The following SIAH2 variants were observed in gnomAD, a reference collection of about 807,000 sequenced individuals.
SIAH2 encodes the protein siah E3 ubiquitin protein ligase 2.
In SIAH2, 4 loss-of-function variants were observed where a neutral mutation model predicts 20.4. That is an observed-to-expected ratio of 0.20 (90% CI 0.10 to 0.45). The LOEUF is 0.45. SIAH2 is among the 20% of genes least tolerant of loss of function. The pLI is 0.99. For synonymous variants in SIAH2, 171 were observed against 192.5 expected (o/e 0.89, Z 0.93); for missense variants, 259 against 440.3 (o/e 0.59, Z 3.69).
At chr3:150,755,215 T>TG (rs922702664) in intron 1 of SIAH2, among the ~76,000 whole-genome samples, 1 of 151,812 alleles carries the variant, frequency 6.6e-6, no homozygotes, top group Non-Finnish European at 1.5e-5. Context: ...AGAGGGATCC[T>TG]GGGGGTAAAA....
chr3:150,742,114 T>C lies in SIAH2; in HGVS notation c.*27A>G. On this transcript the variant is annotated 3_prime_UTR_variant, in exon 2 of 2. Transcript: ENST00000312960. The surrounding 1 kb of genome is among the most constrained non-coding windows in gnomAD (Gnocchi z 4.8). ...TTAAACATAGAGCACTATGCCCAAA[T>C]AATTTTGAAGGTTTACGAAAGTCAC... 1 of 1,581,048 alleles carries C rather than the reference T, an allele frequency of 6.3e-7. No individual in the cohort carries two copies. Among genetic ancestry groups the C allele is most frequent in the African/African-American group, 1.3e-5 (1 of 74,082 alleles).
Position 150,762,991 on chromosome 3 carries a change from G to A in SIAH2, c.-142C>T. On this transcript the variant is annotated 5_prime_UTR_variant, in exon 1 of 2. Coordinates refer to ENST00000312960, the MANE Select transcript of SIAH2 (RefSeq NM_005067.7). This position sits in a 1 kb window ranked among gnomAD's most constrained non-coding sequence, Gnocchi z 6.6. ...CAGGTCCGGGCGGCGGAGACGCTCG[G>A]CGCCCGGCAGGCGGAGGGCTGGACC... 1 of 964,726 alleles carries A rather than the reference G, an allele frequency of 1.0e-6. No homozygotes were observed. The highest frequency in any genetic ancestry group is 1.3e-6 in the Non-Finnish European group (1 of 785,534). 59.8% of individuals were successfully genotyped at this position (964,726 alleles called of 1,614,324 possible). A position where few individuals can be genotyped will look rare whatever the true frequency, so the allele number is the denominator to read the frequency against.
At chr3:150,754,372 T>G (rs1714436194) in intron 1 of SIAH2, among the ~76,000 whole-genome samples, 2 of 152,058 alleles carry the variant, frequency 1.3e-5, no homozygotes, top group Admixed American at 1.3e-4. Flanking sequence ...GCTTCACACT[T>G]CTTAAATAAC....
intron 1 of SIAH2, among the ~76,000 whole-genome samples, chr3:150,748,143 A>G (rs992583059): frequency 5.3e-5 from 8 of 152,116 alleles, no homozygotes; most frequent in Non-Finnish European, 1.2e-4. Context: ...CCGGACCCTC[A>G]TTCTTAGATC....
intron 1 of SIAH2, among the ~76,000 whole-genome samples, chr3:150,752,230 C>G (rs1168765929): frequency 6.6e-6 from 1 of 152,234 alleles, no homozygotes; most frequent in East Asian, 1.9e-4. Context: ...GACAGTTCTT[C>G]AAACAGCTCT....
chr3:150,746,838 T>C (rs1040019170), intron 1 of SIAH2, among the ~76,000 whole-genome samples: 3 of 152,222 alleles, frequency 2.0e-5, no homozygotes, highest in African/African-American at 7.2e-5. Flanking sequence ...CAATGAGCAC[T>C]ACCAGGGCAA....
chr3:150,741,395 A>G lies in SIAH2; in HGVS notation c.*746T>C, dbSNP rs1226114032. 2 of 152,598 alleles carry G rather than the reference A, an allele frequency of 1.3e-5. No homozygotes were observed. Among genetic ancestry groups the G allele is most frequent in the Non-Finnish European group, 2.9e-5 (2 of 68,048 alleles). 9.5% of individuals were successfully genotyped at this position (152,598 alleles called of 1,614,324 possible). A position where few individuals can be genotyped will look rare whatever the true frequency, so the allele number is the denominator to read the frequency against. On this transcript the variant is annotated 3_prime_UTR_variant, in exon 2 of 2. Coordinates refer to ENST00000312960, the MANE Select transcript of SIAH2 (RefSeq NM_005067.7). The stretch of plus-strand genomic sequence containing the variant: ...CTTTCCTAGGCAATCCACCCAAAAC[A>G]TAGGTGAGTGGCCAAATCTCAGGCG...
intron 1 of SIAH2, among the ~76,000 whole-genome samples, chr3:150,752,582 C>T (rs1714395253): frequency 6.6e-6 from 1 of 151,952 alleles, no homozygotes; most frequent in Non-Finnish European, 1.5e-5. Context: ...GCACTCCAGC[C>T]TGGGCGACAG....
chr3:150,747,045 G>C (rs906886803), intron 1 of SIAH2, among the ~76,000 whole-genome samples: 4 of 152,168 alleles, frequency 2.6e-5, no homozygotes, highest in Non-Finnish European at 5.9e-5. Flanking sequence ...GCCCCGCCAG[G>C]GTTCTTTCAC....
In SIAH2 at chr3:150,762,677, G is replaced by A; in HGVS notation, c.173C>T (p.Pro58Leu). 2 of 1,407,194 alleles carry A rather than the reference G, an allele frequency of 1.4e-6. No homozygotes were observed. The highest frequency in any genetic ancestry group is 1.9e-6 in the Non-Finnish European group (2 of 1,079,278). 87.2% of individuals were successfully genotyped at this position (1,407,194 alleles called of 1,614,324 possible). A position where few individuals can be genotyped will look rare whatever the true frequency, so the allele number is the denominator to read the frequency against. The change falls in exon 1 of 2, where the codon CCC becomes CTC. Residue 58 changes from proline (P) to leucine (L), a missense_variant. Pro to Leu is a moderately conservative substitution (Grantham distance 98, BLOSUM62 -3). Transcript: ENST00000312960. The surrounding 1 kb of genome is among the most constrained non-coding windows in gnomAD (Gnocchi z 6.6). ...VPAAAAVISG[P>L]GGGGGAGPVS... Reference sequence around the variant, plus strand: ...CGGGCCGGCCCCGCCGCCGCCGCCGGGGCCCGAGATCACCGCCGCCGCGGC... The same window carrying A: ...CGGGCCGGCCCCGCCGCCGCCGCCGAGGCCCGAGATCACCGCCGCCGCGGC...
Position 150,742,775 on chromosome 3 carries a change from C to T in SIAH2, c.418-77G>A. 2 of 1,234,044 alleles carry T rather than the reference C, an allele frequency of 1.6e-6. No homozygotes were observed. The highest frequency in any genetic ancestry group is 2.2e-6 in the Non-Finnish European group (2 of 899,856). 76.4% of individuals were successfully genotyped at this position (1,234,044 alleles called of 1,614,324 possible). ...GCTTCAACCCTCTATGAGTACTTAA[C>T]TACTCCATTTTCCTGGGCTTAAACT... is the stretch of plus-strand genomic sequence containing the variant. On this transcript the variant is annotated intron_variant, in intron 1 of 1. Coordinates refer to ENST00000312960, the MANE Select transcript of SIAH2 (RefSeq NM_005067.7). The surrounding 1 kb of genome is among the most constrained non-coding windows in gnomAD (Gnocchi z 4.8).
intron 1 of SIAH2, among the ~76,000 whole-genome samples, chr3:150,759,036 C>T (rs1008714410): frequency 3.9e-5 from 6 of 151,956 alleles, no homozygotes; most frequent in Non-Finnish European, 8.8e-5. Flanking sequence ...TGAGCCACTG[C>T]GCCTGGCCCT....
In SIAH2 at chr3:150,758,298, T is replaced by A. The variant is rs535780502; in HGVS notation, c.417+4135A>T. Among the ~76,000 whole-genome samples, 6 of 152,228 alleles carry A rather than the reference T, an allele frequency of 3.9e-5. No individual in the cohort carries two copies. The East Asian group carries it at 1.2e-3, about 29-fold the overall frequency. ...AGAGAGGACAAAGAAAAGGTATCAT[T>A]ACAGTGTAAGAAGGCTGGAGTGGAT... On this transcript the variant is annotated intron_variant, in intron 1 of 1. Coordinates refer to ENST00000312960, the MANE Select transcript of SIAH2 (RefSeq NM_005067.7).
At chr3:150,759,940 G>A (rs887819204) in intron 1 of SIAH2, among the ~76,000 whole-genome samples, 6 of 152,094 alleles carry the variant, frequency 3.9e-5, no homozygotes, top group Admixed American at 6.5e-5. Flanking sequence ...TTCAACGTTG[G>A]TTTTTTTCAC....
At chr3:150,752,511 A>C (rs1714393627) in intron 1 of SIAH2, among the ~76,000 whole-genome samples, 1 of 152,190 alleles carries the variant, frequency 6.6e-6, no homozygotes, top group African/African-American at 2.4e-5. Flanking sequence ...CGGGAGGCTG[A>C]GGCATGAGAA....
Position 150,742,631 on chromosome 3 carries a change from T to G in SIAH2, c.485A>C (p.Glu162Ala). Residue 162 changes from glutamate to alanine, a missense_variant, in exon 2 of 2, where the codon GAA becomes GCA. Glu to Ala is a moderately radical substitution (Grantham distance 107). Transcript: ENST00000312960. This position sits in a 1 kb window ranked among gnomAD's most constrained non-coding sequence, Gnocchi z 4.8. ...TEKPEHEDIC[E>A]YRPYSCPCPG... ...ACATGGGCAGGAGTAGGGACGGTATTCACATATGTCTTCATGTTCTGGTTT... is the reference window on the plus strand; with the variant it reads ...ACATGGGCAGGAGTAGGGACGGTATGCACATATGTCTTCATGTTCTGGTTT... 6.2e-7 allele frequency: 1 copy of G among 1,601,690 alleles called. No individual in the cohort carries two copies. The highest frequency in any genetic ancestry group is 8.5e-7 in the Non-Finnish European group (1 of 1,173,220).
In SIAH2 at chr3:150,742,546, G is replaced by A. The variant is rs767880259; in HGVS notation, c.570C>T (p.His190=). 1.1e-5 allele frequency: 17 copies of A among 1,613,858 alleles called. No individual in the cohort carries two copies. Among genetic ancestry groups the A allele is most frequent in the Middle Eastern group, 1.6e-4 (1 of 6,080 alleles). ...GAAGGGTGGTAATGCTCTTGTGGGC[G>A]TGCATGAGATGGGACATCACAGCTT... The part of the protein sequence containing the change: ...SLEAVMSHLM[H]AHKSITTLQG... The change falls in exon 2 of 2, where the codon CAC becomes CAT. Residue 190 remains histidine (H), a synonymous_variant. Coordinates refer to ENST00000312960, the MANE Select transcript of SIAH2 (RefSeq NM_005067.7). The surrounding 1 kb of genome is among the most constrained non-coding windows in gnomAD (Gnocchi z 4.8).
In SIAH2 at chr3:150,742,073, T is replaced by A; in HGVS notation, c.*68A>T. 7.1e-7 allele frequency: 1 copy of A among 1,408,530 alleles called. No homozygotes were observed. Among genetic ancestry groups the A allele is most frequent in the Non-Finnish European group, 9.7e-7 (1 of 1,030,930 alleles). 87.3% of individuals were successfully genotyped at this position (1,408,530 alleles called of 1,614,324 possible). A position where few individuals can be genotyped will look rare whatever the true frequency, so the allele number is the denominator to read the frequency against. Reference sequence around the variant, plus strand: ...TTGTGAAGACATATGGAATAAAACATCTATAAAAACCTTTATTAAACATAG... The same window carrying A: ...TTGTGAAGACATATGGAATAAAACAACTATAAAAACCTTTATTAAACATAG... On this transcript the variant is annotated 3_prime_UTR_variant, in exon 2 of 2. Coordinates refer to ENST00000312960, the MANE Select transcript of SIAH2 (RefSeq NM_005067.7). The surrounding 1 kb of genome is among the most constrained non-coding windows in gnomAD (Gnocchi z 4.8).
intron 1 of SIAH2, among the ~76,000 whole-genome samples, chr3:150,743,596 T>C (rs1197829233): frequency 1.3e-5 from 2 of 152,156 alleles, no homozygotes; most frequent in Admixed American, 6.5e-5. Flanking sequence ...ACATGATCAG[T>C]CTGCCCCTCA....
Sources: gnomAD v4.1 joint callset for allele counts (sites outside exome capture counted in the v4.1 genomes callset) on GRCh38, gnomAD v4.1.1 for gene constraint, Gnocchi (gnomAD v3.1) non-coding constraint, MANE v1.5 for transcripts, NCBI Gene and HGNC (gene_info 2026-07-23, HGNC 2026-07-21) for gene names.